The following CCSER1 variants were observed in gnomAD, a reference collection of about 807,000 sequenced individuals.
CCSER1 encodes the protein coiled-coil serine rich protein 1.
Under a neutral mutation model 82.0 loss-of-function variants are expected in CCSER1, and 41 were observed. The ratio of observed to expected loss-of-function variants is 0.50; its 90% CI spans 0.39 to 0.65. The LOEUF is 0.65. Ranked by LOEUF, CCSER1 falls within the 30% of genes least tolerant of loss-of-function variation. CCSER1 has a pLI of 0.00. For missense variants in CCSER1, 1,119 were observed against 1,064.2 expected, an observed-to-expected ratio of 1.05 and a Z score of -0.72; for synonymous variants, 414 against 383.9, an observed-to-expected ratio of 1.08 and a Z score of -0.92.
intron 8 of CCSER1, among the ~76,000 whole-genome samples, chr4:90,816,397 TGAAA>T (rs1483359767): frequency 6.6e-6 from 1 of 152,150 alleles, no homozygotes; most frequent in African/African-American, 2.4e-5. Context: ...TGTAATATCA[TGAAA>T]GAAAGTAAGG....
At chr4:90,233,701 C>T (rs905698635) in intron 1 of CCSER1, among the ~76,000 whole-genome samples, 19 of 147,596 alleles carry the variant, frequency 1.3e-4, no homozygotes, top group Admixed American at 2.0e-4. Flanking sequence ...TAAAAGCCTT[C>T]GCAGTGAAGT....
chr4:90,755,081 A>G (rs1404683457), intron 7 of CCSER1, among the ~76,000 whole-genome samples: 1 of 152,176 alleles, frequency 6.6e-6, no homozygotes, highest in African/African-American at 2.4e-5. Flanking sequence ...AGTTAGCTTC[A>G]TATAAGGAGC....
chr4:91,287,758 G>A (rs1457311234), intron 10 of CCSER1, among the ~76,000 whole-genome samples: 1 of 151,798 alleles, frequency 6.6e-6, no homozygotes, highest in Non-Finnish European at 1.5e-5. Context: ...AGTTTTAAGT[G>A]GCATGATAAA....
chr4:90,193,171 T>G (rs558867114), intron 1 of CCSER1, among the ~76,000 whole-genome samples: 1 of 152,218 alleles, frequency 6.6e-6, no homozygotes, highest in Admixed American at 6.6e-5. Context: ...TAAATAATTT[T>G]GAACCATTAG....
rs184627881 is a variant in CCSER1 at position 91,199,901 on chromosome 4, G to A, written c.2217+113907G>A. 2.6e-3 allele frequency among the ~76,000 whole-genome samples: 396 copies of A among 151,812 alleles called. 3 individuals are homozygous for A. Among genetic ancestry groups the A allele is most frequent in the African/African-American group, 9.1e-3 (377 of 41,466 alleles). On this transcript the variant is annotated intron_variant, in intron 10 of 10. Transcript: ENST00000509176. ...ATAATTTACCATGCTATTCAAGTCA[G>A]CCTAAAATCTTAAAAAGCTGCTACA...
At chr4:90,775,956 C>G (rs920566176) in intron 7 of CCSER1, among the ~76,000 whole-genome samples, 1 of 151,450 alleles carries the variant, frequency 6.6e-6, no homozygotes, top group African/African-American at 2.4e-5. Context: ...ATTAGGAGGC[C>G]TGACTTTGGC....
At chr4:90,193,264 C>G (rs906809366) in intron 1 of CCSER1, among the ~76,000 whole-genome samples, 1 of 152,086 alleles carries the variant, frequency 6.6e-6, no homozygotes, top group African/African-American at 2.4e-5. Context: ...TGTTCACACA[C>G]AGACCTCAAG....
chr4:90,273,259 G>C (rs565701881), intron 1 of CCSER1, among the ~76,000 whole-genome samples: 72 of 152,074 alleles, frequency 4.7e-4, no homozygotes, highest in Non-Finnish European at 7.9e-4. Context: ...TAGTTAATGG[G>C]TACAGAAAAG....
At chr4:90,323,468 A>C (rs987682805) in intron 3 of CCSER1, among the ~76,000 whole-genome samples, 1 of 152,120 alleles carries the variant, frequency 6.6e-6, no homozygotes, top group African/African-American at 2.4e-5. Flanking sequence ...AAACCTCTAA[A>C]TGGTTTCTCT....
intron 5 of CCSER1, among the ~76,000 whole-genome samples, chr4:90,538,480 T>A (rs1267750309): frequency 6.6e-6 from 1 of 152,128 alleles, no homozygotes; most frequent in Non-Finnish European, 1.5e-5. Context: ...CCTGAAAGTA[T>A]TTTTAAAAAG....
rs544083636 is a variant in CCSER1 at position 90,579,126 on chromosome 4, T to C, written c.1725-48899T>C. Among the ~76,000 whole-genome samples, 13 of 141,106 alleles carry C rather than the reference T, an allele frequency of 9.2e-5. No homozygotes were observed. The South Asian group carries it at 2.9e-3, about 31-fold the overall frequency. The allele number at this position is 141,106 out of a possible 152,430, so 92.6% of individuals were successfully genotyped here. ...AAGAAAAAAGGGTAATACTTGTTTT[T>C]AATATCAGGTCACACAGAAGAATAT... On this transcript the variant is annotated intron_variant, in intron 5 of 10. Transcript: ENST00000509176.
At chr4:91,342,221 C>G (rs1747767024) in intron 10 of CCSER1, among the ~76,000 whole-genome samples, 1 of 152,120 alleles carries the variant, frequency 6.6e-6, no homozygotes, top group South Asian at 2.1e-4. Context: ...GGCCAAAACC[C>G]AGAGAGGTTT....
At chr4:90,479,079 C>G (rs1224518614) in intron 5 of CCSER1, among the ~76,000 whole-genome samples, 2 of 152,120 alleles carry the variant, frequency 1.3e-5, no homozygotes, top group Non-Finnish European at 2.9e-5. Context: ...AATTTAGAAT[C>G]TGACACACTG....
chr4:91,259,734 T>C (rs113384496), intron 10 of CCSER1, among the ~76,000 whole-genome samples: 1,600 of 152,250 alleles, frequency 0.011, 17 homozygotes, highest in African/African-American at 0.037. Context: ...GAATGAAGGC[T>C]TCCAGCTTCA....
At chr4:91,029,499 T>A (rs1473287641) in intron 9 of CCSER1, among the ~76,000 whole-genome samples, 1 of 152,002 alleles carries the variant, frequency 6.6e-6, no homozygotes, top group African/African-American at 2.4e-5. Flanking sequence ...GGTAGTGTGT[T>A]CTAAGGGCCT....
chr4:90,140,143 A>C (rs1461344918), intron 1 of CCSER1, among the ~76,000 whole-genome samples: 1 of 152,196 alleles, frequency 6.6e-6, no homozygotes, highest in East Asian at 1.9e-4. Flanking sequence ...GCTATTTTCT[A>C]AGTATTACTA....
chr4:90,806,702 C>T (rs1296868509), intron 7 of CCSER1, among the ~76,000 whole-genome samples: 1 of 152,100 alleles, frequency 6.6e-6, no homozygotes, highest in Non-Finnish European at 1.5e-5. Flanking sequence ...CACTCCCCAA[C>T]CAATGAGTGA....
At chr4:91,223,004 G>T (rs1192058157) in intron 10 of CCSER1, among the ~76,000 whole-genome samples, 4 of 151,946 alleles carry the variant, frequency 2.6e-5, no homozygotes, top group Non-Finnish European at 5.9e-5. Flanking sequence ...ATATCTTCCT[G>T]ATTTATAAGA....
intron 4 of CCSER1, among the ~76,000 whole-genome samples, chr4:90,425,047 G>A (rs535744296): frequency 6.6e-6 from 1 of 152,240 alleles, no homozygotes; most frequent in South Asian, 2.1e-4. Context: ...ATGTGATCCA[G>A]TTGGTCTTTT....
Sources: gnomAD v4.1 joint callset for allele counts (sites outside exome capture counted in the v4.1 genomes callset) on GRCh38, gnomAD v4.1.1 for gene constraint, MANE v1.5 for transcripts, NCBI Gene and HGNC (gene_info 2026-07-23, HGNC 2026-07-21) for gene names.